ANK2: variants seen among roughly 807,000 people sequenced by gnomAD.
The protein encoded by ANK2 is ankyrin-2.
In ANK2, 83 loss-of-function variants were observed where a neutral mutation model predicts 360.5. The ratio of observed to expected loss-of-function variants is 0.23; its 90% CI spans 0.19 to 0.28. The LOEUF (loss-of-function observed/expected upper bound fraction) is 0.28, where lower values mean the gene tolerates loss of function less well. Among genes scored for constraint, ANK2 ranks in the 10% least tolerant of loss-of-function variants. The probability of loss-of-function intolerance (pLI) is 1.00; values close to 1 mark genes in which losing one functional copy is unlikely to be tolerated. For missense variants in ANK2, 4,201 were observed against 4,795.7 expected, an observed-to-expected ratio of 0.88 and a Z score of 3.66; for synonymous variants, 1,740 against 1,759.5, an observed-to-expected ratio of 0.99 and a Z score of 0.28.
At chr4:112,997,834 A>G (rs2049150191) in intron 2 of ANK2, among the ~76,000 whole-genome samples, 3 of 151,792 alleles carry the variant, frequency 2.0e-5, no homozygotes, top group Admixed American at 2.0e-4. Context: ...ATATATACAA[A>G]TGACATATAT....
chr4:113,327,199 C>T (rs951615050), intron 26 of ANK2, among the ~76,000 whole-genome samples: 21 of 152,022 alleles, frequency 1.4e-4, no homozygotes, highest in Non-Finnish European at 2.5e-4. Context: ...CATCTTTGGT[C>T]TTTCTTCATA....
At chr4:113,215,481 G>A (rs1338515036) in intron 4 of ANK2, among the ~76,000 whole-genome samples, 2 of 152,206 alleles carry the variant, frequency 1.3e-5, no homozygotes, top group East Asian at 1.9e-4. Flanking sequence ...GAACAATATT[G>A]CCCAAAATGG....
intron 1 of ANK2, among the ~76,000 whole-genome samples, chr4:113,153,882 C>G (rs2097181643): frequency 6.6e-6 from 1 of 152,178 alleles, no homozygotes; most frequent in African/African-American, 2.4e-5. Flanking sequence ...AGCATAGTCT[C>G]TAAGTAACCC....
rs549322706 is a variant in ANK2, at chr4:113,298,225, G to GA, written c.2476-4534dup. 3.7e-4 allele frequency among the ~76,000 whole-genome samples: 56 copies of GA among 151,186 alleles called. No individual in the cohort carries two copies. In the South Asian group the frequency reaches 4.0e-3, roughly 11 times the overall value. On this transcript the variant is annotated intron_variant, in intron 22 of 45. Transcript: ENST00000357077. ...AAAAACATCTACCCTAGTTTTTCTA[G>GA]AAAAAAAACAGTATTTACATAATAT...
At chr4:112,780,892 G>A in the ANK2 span, among the ~76,000 whole-genome samples, 1 of 151,956 alleles carries the variant, frequency 6.6e-6, no homozygotes, top group Admixed American at 6.6e-5. Context: ...ATAAGATTTG[G>A]GTGAGGACAC....
chr4:112,803,168 T>C, the ANK2 span, among the ~76,000 whole-genome samples: 1 of 152,172 alleles, frequency 6.6e-6, no homozygotes, highest in African/African-American at 2.4e-5. Context: ...AGTAGTTATA[T>C]AGTAGTAGTT....
the ANK2 span, among the ~76,000 whole-genome samples, chr4:112,718,952 C>T: frequency 1.3e-5 from 2 of 148,456 alleles, no homozygotes; most frequent in South Asian, 2.1e-4. Context: ...AGCCACCGCT[C>T]CCGGTCAGCA....
intron 1 of ANK2, among the ~76,000 whole-genome samples, chr4:112,832,382 C>T (rs766547604): frequency 1.3e-5 from 2 of 152,102 alleles, no homozygotes; most frequent in African/African-American, 2.4e-5. Flanking sequence ...ATATACCAAA[C>T]CTGTATATGT....
At chr4:113,271,553 C>T (rs1463528162) in intron 14 of ANK2, among the ~76,000 whole-genome samples, 1 of 152,050 alleles carries the variant, frequency 6.6e-6, no homozygotes, top group Non-Finnish European at 1.5e-5. Flanking sequence ...AGAATTCACC[C>T]TCTCCCGAAG....
At chr4:112,758,518 C>G in the ANK2 span, among the ~76,000 whole-genome samples, 1 of 152,178 alleles carries the variant, frequency 6.6e-6, no homozygotes, top group Non-Finnish European at 1.5e-5. Context: ...TCAAGCGATT[C>G]TCCTGCCTCA....
At chr4:113,214,616 A>G (rs1289506799) in intron 4 of ANK2, among the ~76,000 whole-genome samples, 1 of 152,174 alleles carries the variant, frequency 6.6e-6, no homozygotes, top group African/African-American at 2.4e-5. Context: ...AAAGGTTGAC[A>G]TGAATCATTC....
chr4:113,129,324 A>C (rs1420014722), intron 1 of ANK2, among the ~76,000 whole-genome samples: 1 of 152,178 alleles, frequency 6.6e-6, no homozygotes, highest in African/African-American at 2.4e-5. Context: ...AATTGTTTTC[A>C]ACTATAGAAT....
At chr4:113,071,217 A>G (rs1580723277) in intron 1 of ANK2, among the ~76,000 whole-genome samples, 2 of 152,234 alleles carry the variant, frequency 1.3e-5, no homozygotes, top group Admixed American at 1.3e-4. Context: ...ACAGAAGTTT[A>G]GACCCGATGC....
intron 18 of ANK2, among the ~76,000 whole-genome samples, chr4:113,284,577 T>A (rs1474437522): frequency 6.6e-6 from 1 of 152,188 alleles, no homozygotes; most frequent in Non-Finnish European, 1.5e-5. Context: ...GTTTTATCAG[T>A]TAGCAAACAT....
upstream of ANK2, among the ~76,000 whole-genome samples, chr4:112,815,938 A>G (rs75458437): frequency 8.1e-3 from 1,241 of 152,328 alleles, 29 homozygotes; most frequent in East Asian, 0.048. Flanking sequence ...GGTAATAATA[A>G]GTAAAGTGTT....
At chr4:112,764,472 A>T in the ANK2 span, among the ~76,000 whole-genome samples, 4 of 151,326 alleles carry the variant, frequency 2.6e-5, no homozygotes, top group African/African-American at 9.7e-5. Flanking sequence ...AGTAGCTGGG[A>T]TTATAGGTGC....
In ANK2 at chr4:112,955,151, C is replaced by T. The variant is rs191392808; in HGVS notation, c.21+50637C>T. Among the ~76,000 whole-genome samples the T allele has an allele frequency of 4.3e-4, 66 of 152,220 alleles. No individual in the cohort carries two copies. In the East Asian group the frequency reaches 7.9e-3, roughly 18 times the overall value. ...CATGAAAAACAAGCTACAGCTTAAA[C>T]TATTTGTGGAAGAAAATATTCAATA... On this transcript the variant is annotated intron_variant, in intron 2 of 30. Coordinates refer to the ANK2 transcript ENST00000503271.
chr4:112,961,840 A>C (rs963326701), intron 2 of ANK2, among the ~76,000 whole-genome samples: 1 of 151,452 alleles, frequency 6.6e-6, no homozygotes, highest in Non-Finnish European at 1.5e-5. Context: ...GCCCATTATA[A>C]TGACTTGAAA....
chr4:112,794,694 C>G, the ANK2 span, among the ~76,000 whole-genome samples: 1 of 152,152 alleles, frequency 6.6e-6, no homozygotes, highest in Non-Finnish European at 1.5e-5. Flanking sequence ...TGCCATTCCC[C>G]CTTCTCTCCC....
Sources: gnomAD v4.1 joint callset for allele counts (sites outside exome capture counted in the v4.1 genomes callset) on GRCh38, gnomAD v4.1.1 for gene constraint, MANE v1.5 for transcripts, NCBI Gene and HGNC (gene_info 2026-07-23, HGNC 2026-07-21) for gene names.